ODR4: variants seen among roughly 807,000 people sequenced by gnomAD.
ODR4 encodes protein odr-4 homolog.
Under a neutral mutation model 60.2 loss-of-function variants are expected in ODR4, and 47 were observed. The ratio of observed to expected loss-of-function variants is 0.78; its 90% CI spans 0.62 to 1.00. The LOEUF is 1.00. Ranked by LOEUF, ODR4 falls within the 50% of genes least tolerant of loss-of-function variation. The pLI is 0.00. For synonymous variants in ODR4, 178 were observed against 175.5 expected, an observed-to-expected ratio of 1.01 and a Z score of -0.11; for missense variants, 488 against 530.8, an observed-to-expected ratio of 0.92 and a Z score of 0.79.
At chr1:186,381,506 T>C (rs1366653377) in intron 2 of ODR4, among the ~76,000 whole-genome samples, 1 of 152,070 alleles carries the variant, frequency 6.6e-6, no homozygotes, top group African/African-American at 2.4e-5. Context: ...TTTTTGTATT[T>C]TTAGTAGAGA....
chr1:186,389,602 C>G lies in ODR4; in HGVS notation c.452C>G (p.Thr151Ser), dbSNP rs1660382655. ...AATTAGTGAAGAATATTTTGTCGAA[C>G]TTATGATATCCATGATCCAAAGGTA... ...CASTKKIFCR[T>S]YDIHDPKSSA... Residue 151 changes from threonine to serine, a missense_variant, in exon 6 of 14, where the codon ACT becomes AGT. Transcript: ENST00000287859. The G allele has an allele frequency of 6.5e-7, 1 of 1,538,906 alleles. No homozygotes were observed.
chr1:186,383,442 A>G (rs1660117434), intron 3 of ODR4, among the ~76,000 whole-genome samples: 1 of 152,092 alleles, frequency 6.6e-6, no homozygotes, highest in Admixed American at 6.5e-5. Context: ...GTAAAAATAG[A>G]ATTATTTCCT....
intron 1 of ODR4, among the ~76,000 whole-genome samples, chr1:186,379,541 T>C (rs1191648503): frequency 6.6e-6 from 1 of 152,066 alleles, no homozygotes; most frequent in East Asian, 1.9e-4. Flanking sequence ...ATCTCTCATG[T>C]CAACTCTGGT....
chr1:186,405,584 G>T (rs1041510045), intron 11 of ODR4, among the ~76,000 whole-genome samples: 2 of 151,964 alleles, frequency 1.3e-5, no homozygotes, highest in African/African-American at 4.8e-5. Context: ...ATGGAGTCTC[G>T]CTCTGTTGCC....
chr1:186,418,235 CAT>C (rs919249609), intron 13 of ODR4, among the ~76,000 whole-genome samples: 19 of 150,692 alleles, frequency 1.3e-4, no homozygotes, highest in Middle Eastern at 6.8e-3. Context: ...TTTTTTTGTA[CAT>C]GTGTGTGTGT....
chr1:186,378,036 C>T (rs1212104756), intron 1 of ODR4, among the ~76,000 whole-genome samples: 1 of 134,262 alleles, frequency 7.4e-6, no homozygotes, highest in East Asian at 2.2e-4. Context: ...CAGAGCAAGA[C>T]TCCATCTCAA....
chr1:186,383,090 C>T lies in ODR4; in HGVS notation c.168C>T (p.Asn56=), dbSNP rs943447897. The T allele has an allele frequency of 6.4e-7, 1 of 1,567,470 alleles. No homozygotes were observed. The highest frequency in any genetic ancestry group is 1.4e-5 in the African/African-American group (1 of 73,842). Residue 56 remains asparagine, a synonymous_variant, in exon 3 of 14, where the codon AAC becomes AAT. Transcript: ENST00000287859. ...RTPPKEEQSE[N]LKHPKAKLDN... is the part of the protein sequence containing the mutation. The stretch of plus-strand genomic sequence containing the variant: ...CACCCAAAGAGGAGCAAAGTGAGAA[C>T]CTCAAACATCCCAAAGCTAAGTTGG...
chr1:186,405,370 G>C (rs956546460), intron 11 of ODR4, among the ~76,000 whole-genome samples: 1 of 152,066 alleles, frequency 6.6e-6, no homozygotes, highest in African/African-American at 2.4e-5. Flanking sequence ...CTCCAAACTT[G>C]GATGAAGAAG....
At chr1:186,379,065 T>C (rs937035559) in intron 1 of ODR4, among the ~76,000 whole-genome samples, 1 of 152,196 alleles carries the variant, frequency 6.6e-6, no homozygotes, top group Non-Finnish European at 1.5e-5. Context: ...GAAATTCATG[T>C]TTACGATTTT....
At chr1:186,379,597 G>T (rs995614254) in intron 1 of ODR4, among the ~76,000 whole-genome samples, 170 bp from the exon 2 acceptor site, 2 of 152,096 alleles carry the variant, frequency 1.3e-5, no homozygotes, top group South Asian at 2.1e-4. Flanking sequence ...AAGAACTCTG[G>T]AACTGCATCT....
chr1:186,426,899 G>T, the ODR4 span, among the ~76,000 whole-genome samples: 3 of 151,984 alleles, frequency 2.0e-5, no homozygotes, highest in African/African-American at 7.3e-5. Flanking sequence ...TTTTTATACT[G>T]TAGTCTAGTA....
At chr1:186,402,748 T>G (rs186099781) in intron 11 of ODR4, among the ~76,000 whole-genome samples, 1 of 150,814 alleles carries the variant, frequency 6.6e-6, no homozygotes, top group Admixed American at 6.6e-5. Flanking sequence ...GCAGTATGCC[T>G]GAGTAATCTT....
rs531521128 is a variant in ODR4 at position 186,385,979 on chromosome 1, T to A, written c.235-9T>A. ...AATTTGTTAGCTAATAATATATTTC[T>A]ATTTTTAGGTATCCAGAATGCTACC... is the stretch of plus-strand genomic sequence containing the variant. On this transcript the variant is annotated splice_polypyrimidine_tract_variant and intron_variant, in intron 3 of 13. Coordinates refer to ENST00000287859, the MANE Select transcript of ODR4 (RefSeq NM_017847.6). The A allele has an allele frequency of 6.6e-7, 1 of 1,525,414 alleles. No individual in the cohort carries two copies. The highest frequency in any genetic ancestry group is 9.0e-7 in the Non-Finnish European group (1 of 1,107,250). 94.5% of individuals were successfully genotyped at this position (1,525,414 alleles called of 1,614,324 possible).
In ODR4 at chr1:186,406,116, G is replaced by A. The variant is rs1288028558; in HGVS notation, c.1034G>A (p.Arg345Gln). The A allele has an allele frequency of 8.2e-6, 13 of 1,589,622 alleles. No homozygotes were observed. Among genetic ancestry groups the A allele is most frequent in the East Asian group, 2.3e-5 (1 of 43,884 alleles). ...AAAGAGTTCCACGTCCTCCCTTATC[G>A]AGTCTTTGTTCCCCTTCCTGGATCC... ...SEKEFHVLPYRVFVPLPGSTV... is the reference protein window; with the variant it reads ...SEKEFHVLPYQVFVPLPGSTV... Residue 345 changes from arginine to glutamine, a missense_variant, in exon 12 of 14, where the codon CGA (arginine) becomes CAA (glutamine). Physicochemically the swap from Arg to Gln is conservative, Grantham distance 43. Transcript: ENST00000287859.
At chr1:186,423,443 CTTTTTTTTTTTTT>C (rs34515188), downstream of ODR4, among the ~76,000 whole-genome samples, 840 of 44,762 alleles carry the variant, frequency 0.019, 31 homozygotes, top group African/African-American at 0.058. Context: ...ACTACTTGTG[CTTTTTTTTTTTTT>C]TTTTTTTTTT....
At chr1:186,417,752 A>T (rs1661626691) in intron 13 of ODR4, 98 bp downstream of exon 13, 1 of 702,460 alleles carries the variant, frequency 1.4e-6, no homozygotes, top group African/African-American at 1.8e-5. Flanking sequence ...CTTTCTTAAG[A>T]TTGCTAGACT....
chr1:186,403,244 T>C (rs971072238), intron 11 of ODR4, among the ~76,000 whole-genome samples: 1 of 152,020 alleles, frequency 6.6e-6, no homozygotes, highest in Non-Finnish European at 1.5e-5. Context: ...TTTAAAAAAA[T>C]TTTTTTAATT....
intron 8 of ODR4, among the ~76,000 whole-genome samples, chr1:186,392,712 G>A (rs1660514659): frequency 1.3e-5 from 2 of 151,938 alleles, no homozygotes; most frequent in Non-Finnish European, 2.9e-5. Flanking sequence ...CAGCTACTTG[G>A]GAGGCAGGGG....
At chr1:186,389,308 C>T (rs1660366998) in intron 5 of ODR4, among the ~76,000 whole-genome samples, 2 of 151,970 alleles carry the variant, frequency 1.3e-5, no homozygotes, top group Non-Finnish European at 1.5e-5. Context: ...CTCACGAGTG[C>T]TTTGATTCTA....
Sources: gnomAD v4.1 joint callset for allele counts (sites outside exome capture counted in the v4.1 genomes callset) on GRCh38, gnomAD v4.1.1 for gene constraint, MANE v1.5 for transcripts, NCBI Gene and HGNC (gene_info 2026-07-23, HGNC 2026-07-21) for gene names.